Variants in COBL observed in about 807,000 individuals in gnomAD.
The protein encoded by COBL is protein cordon-bleu.
COBL carries 51 observed loss-of-function variants against 98.8 expected under a neutral mutation model. The ratio of observed to expected loss-of-function variants is 0.52; its 90% CI spans 0.41 to 0.65. The LOEUF is 0.65. Among genes scored for constraint, COBL ranks in the 30% least tolerant of loss-of-function variants. The probability of loss-of-function intolerance (pLI) is 0.00; values close to 1 mark genes in which losing one functional copy is unlikely to be tolerated. For synonymous variants in COBL, 634 were observed against 651.7 expected, an observed-to-expected ratio of 0.97 and a Z score of 0.41; for missense variants, 1,617 against 1,617.5, an observed-to-expected ratio of 1.00 and a Z score of 0.01.
chr7:51,262,643 C>A (rs1797821109), intron 1 of COBL, among the ~76,000 whole-genome samples: 1 of 152,176 alleles, frequency 6.6e-6, no homozygotes, highest in Non-Finnish European at 1.5e-5. Flanking sequence ...CATGCAGTCA[C>A]CATCACATGG....
At chr7:51,196,258 T>C (rs1232772054) in intron 2 of COBL, among the ~76,000 whole-genome samples, 1 of 152,188 alleles carries the variant, frequency 6.6e-6, no homozygotes, top group African/African-American at 2.4e-5. Context: ...GAAATAATCA[T>C]GTGGTGTTTG....
intron 8 of COBL, chr7:51,031,570 G>A (rs1788150291): frequency 6.6e-6 from 1 of 150,716 alleles, no homozygotes; most frequent in African/African-American, 2.4e-5. Context: ...GGGCTGCATG[G>A]GGGAGTGTTC....
chr7:51,252,856 C>T lies in COBL; in HGVS notation c.42-32912G>A, dbSNP rs560347413. Among the ~76,000 whole-genome samples the T allele has an allele frequency of 2.6e-5, 4 of 152,276 alleles. No individual in the cohort carries two copies. The South Asian group carries it at 8.3e-4, about 32-fold the overall frequency. On this transcript the variant is annotated intron_variant, in intron 1 of 12. Coordinates refer to ENST00000265136, the MANE Select transcript of COBL (RefSeq NM_015198.5). ...CATAAATATCTCATTCTCCAACAAT[C>T]TTTCACCCGGTGATTTTAGCACTCA...
rs561121237 is a variant in COBL, at chr7:51,222,861, G to A, written c.42-2917C>T. Among the ~76,000 whole-genome samples, 9 of 152,256 alleles carry A rather than the reference G, an allele frequency of 5.9e-5. No homozygotes were observed. The East Asian group carries it at 1.7e-3, about 29-fold the overall frequency. On this transcript the variant is annotated intron_variant, in intron 1 of 12. Transcript: ENST00000265136. ...GCACCACAATGGGAGTGAGAGGCTG[G>A]AGAGAGTCGGGAGAGGTTTTGACTG... is the stretch of plus-strand genomic sequence containing the variant.
At chr7:51,238,280 T>A (rs894022998) in intron 1 of COBL, among the ~76,000 whole-genome samples, 3 of 152,192 alleles carry the variant, frequency 2.0e-5, no homozygotes, top group Non-Finnish European at 4.4e-5. Flanking sequence ...ACAACAGAAG[T>A]GCTGTTCTTT....
intron 2 of COBL, among the ~76,000 whole-genome samples, chr7:51,197,430 T>G (rs1390771436): frequency 6.6e-6 from 1 of 152,174 alleles, no homozygotes; most frequent in African/African-American, 2.4e-5. Context: ...GAGTCTTTTA[T>G]TTCTGATTAT....
rs773053308 is a variant in COBL at position 51,029,384 on chromosome 7, C to A, written c.1712G>T (p.Gly571Val). 1.9e-6 allele frequency: 3 copies of A among 1,611,854 alleles called. No homozygotes were observed. In the Admixed American group the frequency reaches 5.0e-5, roughly 27 times the overall value. Reference sequence around the variant, plus strand: ...CAGGGAGTCTCTCCTGCTGGCAACACCCTCCGAGTCGAAAGACCCAGCATT... The same window carrying A: ...CAGGGAGTCTCTCCTGCTGGCAACAACCTCCGAGTCGAAAGACCCAGCATT... Reference protein sequence around the residue: ...NNNAGSFDSEGVASRRDSLAP... With the variant: ...NNNAGSFDSEVVASRRDSLAP... The change falls in exon 10 of 13, where the codon GGT (glycine) becomes GTT (valine). Residue 571 changes from glycine (G) to valine (V), a missense_variant. Gly to Val is a moderately radical substitution (Grantham distance 109). Coordinates refer to ENST00000265136, the MANE Select transcript of COBL (RefSeq NM_015198.5).
intron 11 of COBL, 67 bp downstream of exon 11, chr7:51,026,479 A>G: frequency 6.3e-7 from 1 of 1,584,354 alleles, no homozygotes. Context: ...CCACCACCCA[A>G]GTGCCTCGGA....
Position 51,028,243 on chromosome 7 carries a change from C to A in COBL, c.2853G>T (p.Arg951Ser), listed in dbSNP as rs144492946. Residue 951 changes from arginine to serine, a missense_variant, in exon 10 of 13, where the codon AGG becomes AGT. Arg to Ser is a moderately radical substitution (Grantham distance 110). Transcript: ENST00000265136. Reference protein sequence around the residue: ...GEDLAVGAPPRGEVIGPHRKL... With the variant: ...GEDLAVGAPPSGEVIGPHRKL... ...TCCTGTGTGGGCCAATGACCTCCCC[C>A]CTAGGAGGGGCTCCCACTGCCAAAT... 109 of 1,613,886 alleles carry A rather than the reference C, an allele frequency of 6.8e-5. No individual in the cohort carries two copies. Among genetic ancestry groups the A allele is most frequent in the African/African-American group, 9.3e-5 (7 of 74,942 alleles).
At chr7:51,315,259 C>CAA (rs71021769) in intron 1 of COBL, among the ~76,000 whole-genome samples, 14,367 of 137,476 alleles carry the variant, frequency 0.1, 857 homozygotes, top group East Asian at 0.32. Flanking sequence ...AAGTGCACTG[C>CAA]AAAAAAAAAA....
At chr7:51,236,821 G>A (rs902030618) in intron 1 of COBL, among the ~76,000 whole-genome samples, 2 of 152,164 alleles carry the variant, frequency 1.3e-5, no homozygotes, top group African/African-American at 2.4e-5. Context: ...GCATGTCTGC[G>A]ATGAATGCAG....
chr7:51,231,610 T>C (rs1464558145), intron 1 of COBL, among the ~76,000 whole-genome samples: 1 of 152,164 alleles, frequency 6.6e-6, no homozygotes, highest in Admixed American at 6.5e-5. Context: ...GCCAGGGCTG[T>C]CCACAGCAGC....
chr7:51,089,271 T>C (rs1007054171), intron 6 of COBL, among the ~76,000 whole-genome samples: 6 of 152,090 alleles, frequency 3.9e-5, no homozygotes, highest in African/African-American at 1.4e-4. Context: ...CCCAGCACTT[T>C]GGGAGGCTGA....
intron 1 of COBL, among the ~76,000 whole-genome samples, chr7:51,223,442 G>T (rs1584231130): frequency 6.6e-6 from 1 of 152,194 alleles, no homozygotes; most frequent in African/African-American, 2.4e-5. Context: ...TTGACCACTG[G>T]ACCTGTTGGC....
chr7:51,093,954 G>C (rs901290986), intron 6 of COBL, among the ~76,000 whole-genome samples: 3 of 149,874 alleles, frequency 2.0e-5, no homozygotes, highest in Non-Finnish European at 4.4e-5. Flanking sequence ...GCAATCAACA[G>C]ATACTTGGAT....
chr7:51,063,196 G>A (rs1201683693), intron 7 of COBL, among the ~76,000 whole-genome samples: 12 of 149,142 alleles, frequency 8.0e-5, no homozygotes, highest in East Asian at 2.0e-4. Flanking sequence ...GTACAATGGC[G>A]TGATCTTGGC....
At chr7:51,220,046 C>G in intron 1 of COBL, 102 bp from the exon 2 acceptor site, 1 of 1,046,924 alleles carries the variant, frequency 9.6e-7, no homozygotes, top group Non-Finnish European at 1.4e-6. Context: ...TCAGGAGCAC[C>G]TTCCAAGTGC....
intron 6 of COBL, among the ~76,000 whole-genome samples, chr7:51,098,505 A>T (rs1235265022): frequency 6.6e-6 from 1 of 152,178 alleles, no homozygotes; most frequent in Non-Finnish European, 1.5e-5. Flanking sequence ...GTGTTAACAC[A>T]ATGTGGAAGA....
chr7:51,199,689 A>C (rs893504733), intron 2 of COBL, among the ~76,000 whole-genome samples: 1 of 152,178 alleles, frequency 6.6e-6, no homozygotes, highest in African/African-American at 2.4e-5. Flanking sequence ...GAACTGAAAA[A>C]CCCAATAGAC....
Sources: allele counts gnomAD v4.1 joint callset (sites outside exome capture counted in the v4.1 genomes callset), GRCh38; gene constraint gnomAD v4.1.1; transcripts MANE v1.5; gene names NCBI Gene and HGNC (gene_info 2026-07-23, HGNC 2026-07-21).